Variants in DCLK1 observed in about 807,000 individuals in gnomAD.
DCLK1 encodes doublecortin like kinase 1, also known as serine/threonine-protein kinase DCLK1.
DCLK1 carries 16 observed loss-of-function variants against 86.2 expected under a neutral mutation model. The ratio of observed to expected loss-of-function variants is 0.19; its 90% CI spans 0.13 to 0.28. The LOEUF is 0.28. DCLK1 is among the 10% of genes least tolerant of loss of function. The pLI is 1.00. For missense variants in DCLK1, 590 were observed against 940.2 expected (o/e 0.63, Z 4.87); for synonymous variants, 369 against 370.5 (o/e 1.00, Z 0.05).
intron 15 of DCLK1, among the ~76,000 whole-genome samples, chr13:35,794,206 T>C (rs539561925): frequency 4.5e-4 from 69 of 152,198 alleles, no homozygotes; most frequent in South Asian, 1.0e-3. Context: ...CACCACTTAC[T>C]AGAGTTCATG....
intron 3 of DCLK1, among the ~76,000 whole-genome samples, chr13:36,090,867 C>G (rs1363620154): frequency 6.6e-6 from 1 of 152,122 alleles, no homozygotes; most frequent in Non-Finnish European, 1.5e-5. Context: ...CCCCACTCCA[C>G]CCCATGCAAC....
intron 16 of DCLK1, among the ~76,000 whole-genome samples, chr13:35,791,996 T>A (rs1431568013): frequency 1.3e-5 from 2 of 152,208 alleles, no homozygotes; most frequent in African/African-American, 4.8e-5. Flanking sequence ...ACTTACTGAC[T>A]GAATATCAGC....
chr13:36,020,711 A>G (rs987419275), intron 3 of DCLK1, among the ~76,000 whole-genome samples: 7 of 151,752 alleles, frequency 4.6e-5, no homozygotes, highest in Non-Finnish European at 1.0e-4. Flanking sequence ...AAGGCAGCAG[A>G]ATGACATATT....
At chr13:35,852,998 C>T (rs1327829511) in intron 6 of DCLK1, among the ~76,000 whole-genome samples, 1 of 152,200 alleles carries the variant, frequency 6.6e-6, no homozygotes, top group African/African-American at 2.4e-5. Context: ...AGAAAGAGGG[C>T]CCTTCCTGCT....
intron 11 of DCLK1, among the ~76,000 whole-genome samples, chr13:35,820,140 C>T (rs149570685): frequency 5.5e-4 from 84 of 152,304 alleles, no homozygotes; most frequent in Non-Finnish European, 1.1e-3. Context: ...GTGACATCAT[C>T]CTAGTTTTGT....
At chr13:35,781,942 T>G (rs2086533813) in intron 16 of DCLK1, among the ~76,000 whole-genome samples, 1 of 152,186 alleles carries the variant, frequency 6.6e-6, no homozygotes, top group Admixed American at 6.5e-5. Flanking sequence ...TCAGGCTTAT[T>G]GCAGTTCTGT....
At chr13:35,932,684 G>A (rs555427513) in intron 4 of DCLK1, among the ~76,000 whole-genome samples, 1 of 152,314 alleles carries the variant, frequency 6.6e-6, no homozygotes, top group East Asian at 1.9e-4. Flanking sequence ...CATGAGAACA[G>A]TATGTGGGAA....
chr13:35,816,628 TGTAAA>T (rs1321270578), intron 11 of DCLK1, among the ~76,000 whole-genome samples: 2 of 152,200 alleles, frequency 1.3e-5, no homozygotes, highest in East Asian at 1.9e-4. Flanking sequence ...GATTCGAAGA[TGTAAA>T]GTAATTTACC....
At chr13:36,015,398 T>C (rs1881500788) in intron 3 of DCLK1, among the ~76,000 whole-genome samples, 1 of 152,176 alleles carries the variant, frequency 6.6e-6, no homozygotes, top group Admixed American at 6.5e-5. Context: ...ATGGAAACCC[T>C]CAAATGAGCC....
intron 4 of DCLK1, among the ~76,000 whole-genome samples, chr13:35,941,158 T>C (rs368766070): frequency 3.9e-5 from 6 of 152,176 alleles, no homozygotes; most frequent in African/African-American, 1.4e-4. Context: ...GTTCCTACTA[T>C]TCCATTAGGT....
intron 3 of DCLK1, among the ~76,000 whole-genome samples, chr13:36,014,796 A>T (rs1053017141): frequency 6.6e-6 from 1 of 152,240 alleles, no homozygotes; most frequent in Non-Finnish European, 1.5e-5. Flanking sequence ...AAGAAAATAG[A>T]TGTTTAAACT....
intron 6 of DCLK1, among the ~76,000 whole-genome samples, chr13:35,852,044 A>T (rs897967273): frequency 5.9e-5 from 9 of 151,488 alleles, no homozygotes; most frequent in Admixed American, 5.3e-4. Context: ...GGGGCAGTCA[A>T]CTCATTTTCT....
intron 3 of DCLK1, among the ~76,000 whole-genome samples, chr13:36,024,987 G>C (rs1173026512): frequency 7.0e-6 from 1 of 142,036 alleles, no homozygotes; most frequent in East Asian, 2.0e-4. Context: ...TTTTTTTTGA[G>C]GCAGAGTTTT....
chr13:35,902,872 G>T (rs1874459799), intron 4 of DCLK1, among the ~76,000 whole-genome samples: 1 of 151,992 alleles, frequency 6.6e-6, no homozygotes, highest in Non-Finnish European at 1.5e-5. Context: ...AAATAAGGAG[G>T]TCTCAAAGTC....
intron 3 of DCLK1, among the ~76,000 whole-genome samples, chr13:36,049,042 T>G (rs533222201): frequency 2.2e-4 from 34 of 152,286 alleles, no homozygotes; most frequent in Middle Eastern, 3.4e-3. Flanking sequence ...TTCTTTTTTC[T>G]CCCTTTAAAC....
Position 35,839,152 on chromosome 13 carries a change from T to A in DCLK1, c.1060A>T (p.Thr354Ser). 1 of 1,588,728 alleles carries A rather than the reference T, an allele frequency of 6.3e-7. No individual in the cohort carries two copies. The highest frequency in any genetic ancestry group is 1.2e-5 in the South Asian group (1 of 86,714). Reference protein sequence around the residue: ...QRSSQHGGSSTSLASTKVCSS... With the variant: ...QRSSQHGGSSSSLASTKVCSS... ...CAGACTTTGGTGGACGCAAGTGACG[T>A]AGAGGAGCCGCCATGCTGAGAGCTC... The change falls in exon 7 of 17, where the codon ACG becomes TCG. Residue 354 changes from threonine (T) to serine (S), a missense_variant. This residue lies in a region of DCLK1 where 63 missense variants were observed against 64.3 expected (regional missense o/e 0.98). Transcript: ENST00000360631.
chr13:35,889,518 C>T (rs1212902159), intron 4 of DCLK1, among the ~76,000 whole-genome samples: 1 of 152,082 alleles, frequency 6.6e-6, no homozygotes, highest in Non-Finnish European at 1.5e-5. Context: ...TGTTTGGAGT[C>T]AGCTAATGAT....
At position 36,002,937 on chromosome 13, in the gene DCLK1, G is replaced by C. The variant is rs549438354; in HGVS notation, c.724-55480C>G. On this transcript the variant is annotated intron_variant, in intron 3 of 16. Coordinates refer to ENST00000360631, the MANE Select transcript of DCLK1 (RefSeq NM_001330071.2). ...TGAGGGCTGGGGAGGCCTTGTCAGG[G>C]CAGTCCCCTGCCCTGGTCTGTGCTC... is the stretch of plus-strand genomic sequence containing the variant. Among the ~76,000 whole-genome samples, 7 of 152,288 alleles carry C rather than the reference G, an allele frequency of 4.6e-5. No individual in the cohort carries two copies. The South Asian group carries it at 1.4e-3, about 32-fold the overall frequency.
intron 4 of DCLK1, among the ~76,000 whole-genome samples, chr13:35,895,155 C>T (rs73518644): frequency 0.12 from 18,671 of 152,036 alleles, 3,899 homozygotes; most frequent in African/African-American, 0.43. Context: ...GTTGTTCAGG[C>T]TAGTCTCGAA....
Sources: gnomAD v4.1 joint callset for allele counts (sites outside exome capture counted in the v4.1 genomes callset) on GRCh38, gnomAD v4.1.1 for gene constraint, gnomAD v4.1.1 regional missense constraint, MANE v1.5 for transcripts, NCBI Gene and HGNC (gene_info 2026-07-23, HGNC 2026-07-21) for gene names.